Variants in WWOX observed in about 807,000 individuals in gnomAD.
The protein encoded by WWOX is WW domain containing oxidoreductase.
In WWOX, 69 loss-of-function variants were observed where a neutral mutation model predicts 46.2. The ratio of observed to expected loss-of-function variants is 1.49; its 90% CI spans 1.23 to 1.82. The LOEUF is 1.82. Among genes scored for constraint, WWOX ranks in the 40% most tolerant of loss-of-function variants. The pLI is 0.00. For missense variants in WWOX, 919 were observed against 542.6 expected, an observed-to-expected ratio of 1.69 and a Z score of -6.89; for synonymous variants, 359 against 202.6, an observed-to-expected ratio of 1.77 and a Z score of -6.56.
intron 5 of WWOX, among the ~76,000 whole-genome samples, chr16:78,329,649 G>A (rs1031369133): frequency 1.3e-5 from 2 of 152,168 alleles, no homozygotes; most frequent in Non-Finnish European, 2.9e-5. Context: ...GGAAGAAACC[G>A]TTGTGGGGAA....
At chr16:78,607,952 C>T (rs1029921182) in intron 8 of WWOX, among the ~76,000 whole-genome samples, 4 of 152,072 alleles carry the variant, frequency 2.6e-5, no homozygotes, top group Non-Finnish European at 4.4e-5. Context: ...GAAAGAAAAT[C>T]GCAAAGTTAA....
At chr16:78,947,263 C>A (rs949700439) in intron 8 of WWOX, among the ~76,000 whole-genome samples, 1 of 152,042 alleles carries the variant, frequency 6.6e-6, no homozygotes, top group Non-Finnish European at 1.5e-5. Flanking sequence ...TTTCTCAAGC[C>A]ACTTAGATTT....
intron 8 of WWOX, among the ~76,000 whole-genome samples, chr16:79,194,662 C>T (rs2051203104): frequency 6.6e-6 from 1 of 152,184 alleles, no homozygotes; most frequent in South Asian, 2.1e-4. Context: ...TCATTTCTCA[C>T]TGCCTTTCTG....
intron 8 of WWOX, among the ~76,000 whole-genome samples, chr16:78,810,420 T>A (rs1410830409): frequency 6.6e-6 from 1 of 152,194 alleles, no homozygotes; most frequent in Non-Finnish European, 1.5e-5. Flanking sequence ...GTATTGGCAG[T>A]TCATATAAGC....
intron 8 of WWOX, among the ~76,000 whole-genome samples, chr16:78,548,095 C>T (rs1350389176): frequency 7.1e-6 from 1 of 141,130 alleles, no homozygotes; most frequent in Non-Finnish European, 1.5e-5. Context: ...GTGGAGGTTG[C>T]AGTGAGCTGA....
chr16:78,807,810 A>G (rs1234118299), intron 8 of WWOX, among the ~76,000 whole-genome samples: 1 of 152,212 alleles, frequency 6.6e-6, no homozygotes, highest in East Asian at 1.9e-4. Context: ...GGCTATTTAA[A>G]CTGAAATGAA....
At chr16:78,887,832 T>A (rs2044500304) in intron 8 of WWOX, among the ~76,000 whole-genome samples, 3 of 152,204 alleles carry the variant, frequency 2.0e-5, no homozygotes, top group Non-Finnish European at 4.4e-5. Context: ...GGACTCTGTC[T>A]CTTTAAGTGT....
At chr16:78,824,902 TC>T (rs1206705615) in intron 8 of WWOX, among the ~76,000 whole-genome samples, 1 of 152,156 alleles carries the variant, frequency 6.6e-6, no homozygotes, top group Non-Finnish European at 1.5e-5. Flanking sequence ...GACACACCTT[TC>T]CTTTGGGAGC....
intron 8 of WWOX, among the ~76,000 whole-genome samples, chr16:78,694,424 G>A (rs2048056213): frequency 6.6e-6 from 1 of 152,120 alleles, no homozygotes; most frequent in South Asian, 2.1e-4. Flanking sequence ...CCTTCCCATT[G>A]TCAAGGCAGA....
intron 5 of WWOX, among the ~76,000 whole-genome samples, chr16:78,284,615 A>G (rs2079737303): frequency 6.6e-6 from 1 of 152,210 alleles, no homozygotes; most frequent in African/African-American, 2.4e-5. Flanking sequence ...TCCTGTGGAC[A>G]TTTCTACAAA....
At chr16:79,187,799 C>A (rs1223101100) in intron 8 of WWOX, among the ~76,000 whole-genome samples, 1 of 152,244 alleles carries the variant, frequency 6.6e-6, no homozygotes, top group Non-Finnish European at 1.5e-5. Context: ...GCCTTGGCCT[C>A]CCACATTGCT....
chr16:78,584,861 C>T (rs1247682896), intron 8 of WWOX, among the ~76,000 whole-genome samples: 1 of 152,132 alleles, frequency 6.6e-6, no homozygotes, highest in Non-Finnish European at 1.5e-5. Context: ...CACGTCGGTG[C>T]GTGTAAGCAA....
chr16:78,993,578 G>C (rs11150129), intron 8 of WWOX, among the ~76,000 whole-genome samples: 149,396 of 152,296 alleles, frequency 0.98, 73,358 homozygotes, highest in South Asian at 1. Flanking sequence ...TACGGAGCCC[G>C]GAACAGGGAT....
chr16:79,006,355 C>G (rs1239181554), intron 8 of WWOX, among the ~76,000 whole-genome samples: 2 of 152,130 alleles, frequency 1.3e-5, no homozygotes, highest in Non-Finnish European at 2.9e-5. Context: ...GTTAGAGTGT[C>G]TGCATGGCAC....
intron 5 of WWOX, among the ~76,000 whole-genome samples, chr16:78,175,809 C>T (rs943116691): frequency 3.3e-5 from 5 of 152,152 alleles, no homozygotes; most frequent in Admixed American, 6.5e-5. Context: ...TGTGATGTAG[C>T]GGTAGATAAC....
chr16:78,287,305 C>G (rs2079785496), intron 5 of WWOX, among the ~76,000 whole-genome samples: 1 of 152,186 alleles, frequency 6.6e-6, no homozygotes, highest in African/African-American at 2.4e-5. Context: ...GACACTCCTT[C>G]AATCTTAATG....
intron 8 of WWOX, among the ~76,000 whole-genome samples, chr16:78,717,543 GCT>G (rs1447726423): frequency 6.6e-6 from 1 of 152,182 alleles, no homozygotes; most frequent in Non-Finnish European, 1.5e-5. Flanking sequence ...GATGTGATTT[GCT>G]CTCTTTGATG....
intron 8 of WWOX, among the ~76,000 whole-genome samples, chr16:79,049,578 T>G (rs1346489584): frequency 6.6e-6 from 1 of 152,084 alleles, no homozygotes; most frequent in African/African-American, 2.4e-5. Flanking sequence ...TAGCTGACCC[T>G]TGTAATCCCA....
At chr16:78,418,232 C>T (rs1364845998) in intron 6 of WWOX, among the ~76,000 whole-genome samples, 3 of 151,918 alleles carry the variant, frequency 2.0e-5, no homozygotes, top group Non-Finnish European at 4.4e-5. Flanking sequence ...GGCGTGGTGG[C>T]GGGCACCTGT....
Sources: gnomAD v4.1 joint callset for allele counts (sites outside exome capture counted in the v4.1 genomes callset) on GRCh38, gnomAD v4.1.1 for gene constraint, MANE v1.5 for transcripts, NCBI Gene and HGNC (gene_info 2026-07-23, HGNC 2026-07-21) for gene names.